Variants in BORCS5 observed in about 807,000 individuals in gnomAD.
BORCS5 encodes BLOC-1 related complex subunit 5, also known as BLOC-1-related complex subunit 5.
Under a neutral mutation model 22.1 loss-of-function variants are expected in BORCS5, and 17 were observed. The ratio of observed to expected loss-of-function variants is 0.77; its 90% confidence interval spans 0.53 to 1.15. The LOEUF is 1.15. BORCS5 is among the 50% of genes most tolerant of loss of function. The probability of loss-of-function intolerance (pLI) is 0.00; values close to 1 mark genes in which losing one functional copy is unlikely to be tolerated. For missense variants in BORCS5, 247 were observed against 253.2 expected (o/e 0.98, Z 0.17); for synonymous variants, 117 against 99.8 (o/e 1.17, Z -1.03).
chr12:12,379,569 A>G (rs1287300070), intron 2 of BORCS5, among the ~76,000 whole-genome samples: 1 of 151,524 alleles, frequency 6.6e-6, no homozygotes, highest in Non-Finnish European at 1.5e-5. Flanking sequence ...AGAATTTAGA[A>G]TCTCCTACCC....
At chr12:12,372,182 G>C (rs1863544132) in intron 2 of BORCS5, among the ~76,000 whole-genome samples, 1 of 152,020 alleles carries the variant, frequency 6.6e-6, no homozygotes, top group Non-Finnish European at 1.5e-5. Flanking sequence ...TGGGATTTCA[G>C]CCACCCGCCA....
At chr12:12,396,683 G>T (rs1302368000) in intron 2 of BORCS5, among the ~76,000 whole-genome samples, 1 of 152,156 alleles carries the variant, frequency 6.6e-6, no homozygotes, top group Non-Finnish European at 1.5e-5. Flanking sequence ...TAATGTCAAG[G>T]AACAGTTCAT....
intron 2 of BORCS5, among the ~76,000 whole-genome samples, chr12:12,362,634 A>ATTTTTT (rs1203934777): frequency 1.8e-5 from 1 of 54,172 alleles, no homozygotes; most frequent in Non-Finnish European, 5.1e-5. Flanking sequence ...CATGTTACTC[A>ATTTTTT]TCTTTTTTTT....
intron 2 of BORCS5, among the ~76,000 whole-genome samples, chr12:12,377,677 G>C (rs1454105731): frequency 1.3e-5 from 2 of 152,136 alleles, no homozygotes; most frequent in African/African-American, 4.8e-5. Context: ...ACAGGGTATT[G>C]TATGTAAACC....
chr12:12,445,645 T>G (rs183579227), intron 3 of BORCS5, among the ~76,000 whole-genome samples: 31 of 151,358 alleles, frequency 2.0e-4, no homozygotes, highest in African/African-American at 7.3e-4. Flanking sequence ...TTAATTTAAT[T>G]TTTTTACAGA....
At chr12:12,416,317 A>G (rs895216205) in intron 2 of BORCS5, among the ~76,000 whole-genome samples, 3 of 149,954 alleles carry the variant, frequency 2.0e-5, no homozygotes. Flanking sequence ...TCTATTCTCT[A>G]TTTTATTTAT....
intron 2 of BORCS5, among the ~76,000 whole-genome samples, chr12:12,378,691 A>G (rs1287866716): frequency 6.6e-6 from 1 of 151,326 alleles, no homozygotes; most frequent in Non-Finnish European, 1.5e-5. Context: ...AAAAGGGCAC[A>G]TTTGAATAGT....
intron 1 of BORCS5, among the ~76,000 whole-genome samples, chr12:12,357,741 A>G (rs1036196472): frequency 1.3e-5 from 2 of 152,360 alleles, no homozygotes; most frequent in Non-Finnish European, 2.9e-5. Flanking sequence ...TTTATTTTCA[A>G]AACAGCCGTT....
intron 3 of BORCS5, among the ~76,000 whole-genome samples, chr12:12,443,234 A>T (rs1331202378): frequency 2.0e-5 from 3 of 152,212 alleles, no homozygotes; most frequent in African/African-American, 7.2e-5. Flanking sequence ...TTATAAAATG[A>T]GTTGGGAGTA....
intron 3 of BORCS5, among the ~76,000 whole-genome samples, chr12:12,464,971 A>ATTTTTTTTTT: frequency 6.6e-6 from 1 of 151,924 alleles, no homozygotes; most frequent in Non-Finnish European, 1.5e-5. Flanking sequence ...GGGGTTTGGG[A>ATTTTTTTTTT]TTTTTGTTAT....
intron 3 of BORCS5, among the ~76,000 whole-genome samples, chr12:12,439,401 G>A (rs779573878): frequency 1.1e-4 from 17 of 152,246 alleles, no homozygotes; most frequent in Non-Finnish European, 1.8e-4. Flanking sequence ...GCCAAGGCAG[G>A]TGGATTGTTT....
intron 3 of BORCS5, among the ~76,000 whole-genome samples, chr12:12,462,751 G>A (rs1385974865): frequency 6.6e-6 from 1 of 152,090 alleles, no homozygotes; most frequent in Non-Finnish European, 1.5e-5. Context: ...CTGCCTCCTG[G>A]GTTCAAACGA....
chr12:12,431,124 A>G (rs1010968465), intron 2 of BORCS5, among the ~76,000 whole-genome samples: 10 of 152,302 alleles, frequency 6.6e-5, no homozygotes, highest in African/African-American at 2.4e-4. Context: ...TGCATTTGTA[A>G]TTTTGTTATC....
intron 2 of BORCS5, among the ~76,000 whole-genome samples, chr12:12,373,823 G>A (rs1863582923): frequency 6.6e-6 from 1 of 152,010 alleles, no homozygotes; most frequent in East Asian, 1.9e-4. Context: ...TAGTAACACT[G>A]GCCACATGTC....
At chr12:12,455,249 A>G (rs1942977790) in intron 3 of BORCS5, among the ~76,000 whole-genome samples, 1 of 152,230 alleles carries the variant, frequency 6.6e-6, no homozygotes, top group Non-Finnish European at 1.5e-5. Context: ...CCCTAAAAAG[A>G]GGCAGCCTTT....
rs532101785 is a variant in BORCS5 at position 12,411,768 on chromosome 12, T to C, written c.203-23860T>C. ...TTAAACGTTTTATTGTTTTAGATCTTACATTTAGGTCATGGATTCATTGTT... is the reference window on the plus strand; with the variant it reads ...TTAAACGTTTTATTGTTTTAGATCTCACATTTAGGTCATGGATTCATTGTT... On this transcript the variant is annotated intron_variant, in intron 2 of 3. Coordinates refer to ENST00000314565, the MANE Select transcript of BORCS5 (RefSeq NM_058169.6). Among the ~76,000 whole-genome samples the C allele has an allele frequency of 1.1e-4, 17 of 152,348 alleles. No homozygotes were observed. The South Asian group carries it at 2.7e-3, about 24-fold the overall frequency.
At chr12:12,438,711 C>T (rs1226282221) in intron 3 of BORCS5, among the ~76,000 whole-genome samples, 2 of 152,186 alleles carry the variant, frequency 1.3e-5, no homozygotes, top group Admixed American at 1.3e-4. Flanking sequence ...CCACTACAAT[C>T]ATCAGCTTGC....
Position 12,435,707 on chromosome 12 carries a change from C to T in BORCS5, c.282C>T (p.Leu94=), listed in dbSNP as rs762266149. 6.2e-7 allele frequency: 1 copy of T among 1,614,088 alleles called. No homozygotes were observed. Among genetic ancestry groups the T allele is most frequent in the Non-Finnish European group, 8.5e-7 (1 of 1,179,998 alleles). ...CTCAGCAGGTGTTGCAGCTCTGCCT[C>T]CGATATCAAGATCACCTGCATCAGT... ...LDSQQVLQLC[L]RYQDHLHQCA... Residue 94 remains leucine, a synonymous_variant, in exon 3 of 4, where the codon CTC becomes CTT. Coordinates refer to ENST00000314565, the MANE Select transcript of BORCS5 (RefSeq NM_058169.6).
intron 2 of BORCS5, among the ~76,000 whole-genome samples, chr12:12,411,692 A>G (rs1592098833): frequency 1.3e-5 from 2 of 152,140 alleles, no homozygotes; most frequent in East Asian, 3.8e-4. Flanking sequence ...ATTCAGTGTC[A>G]TGAAACTTTT....
Sources: gnomAD v4.1 joint callset for allele counts (sites outside exome capture counted in the v4.1 genomes callset) on GRCh38, gnomAD v4.1.1 for gene constraint, MANE v1.5 for transcripts, NCBI Gene and HGNC (gene_info 2026-07-23, HGNC 2026-07-21) for gene names.